Variants in LCTL observed in about 807,000 individuals in gnomAD.
LCTL encodes lactase-like protein.
LCTL carries 76 observed loss-of-function variants against 75.8 expected under a neutral mutation model. The observed-to-expected ratio is 1.00, with a 90% CI of 0.83 to 1.21. The LOEUF is 1.21. Ranked by LOEUF, LCTL falls within the 50% of genes most tolerant of loss-of-function variation. LCTL has a pLI of 0.00. For missense variants in LCTL, 670 were observed against 712.4 expected, an observed-to-expected ratio of 0.94 and a Z score of 0.68; for synonymous variants, 271 against 268.8, an observed-to-expected ratio of 1.01 and a Z score of -0.08.
rs1451719057 is a variant in LCTL at position 66,564,662 on chromosome 15, C to T, written c.282+14G>A. 1 of 1,609,958 alleles carries T rather than the reference C, an allele frequency of 6.2e-7. No individual in the cohort carries two copies. Reference sequence around the variant, plus strand: ...ACGCGCGCGCACACACACACACTCACACCCCGCACTCACCTGGACCTTGTA... The same window carrying T: ...ACGCGCGCGCACACACACACACTCATACCCCGCACTCACCTGGACCTTGTA... On this transcript the variant is annotated intron_variant, in intron 2 of 12. Coordinates refer to ENST00000341509, the Ensembl canonical transcript of LCTL.
At chr15:66,556,091 G>A (rs1041815828) in intron 8 of LCTL, among the ~76,000 whole-genome samples, 5 of 152,038 alleles carry the variant, frequency 3.3e-5, no homozygotes, top group East Asian at 1.9e-4. Context: ...AAAACAGTAC[G>A]ATGCTTCCTT....
Position 66,558,687 on chromosome 15 carries a change from G to GT in LCTL, c.706-652dup, listed in dbSNP as rs11354993. 2.2e-3 allele frequency among the ~76,000 whole-genome samples: 219 copies of GT among 97,466 alleles called. 1 individual carries two copies. In the East Asian group the frequency reaches 0.024, roughly 11 times the overall value. The allele number at this position is 97,466 out of a possible 152,430, so 63.9% of individuals were successfully genotyped here. On this transcript the variant is annotated intron_variant, in intron 6 of 12. Coordinates refer to ENST00000341509, the Ensembl canonical transcript of LCTL. Reference sequence around the variant, plus strand: ...GTGGTTTTTGTGTGTGTGTGTGTGTGTTTTTTTTTTTTTTTTTTTTTATCT... The same window carrying GT: ...GTGGTTTTTGTGTGTGTGTGTGTGTGTTTTTTTTTTTTTTTTTTTTTTATCT...
chr15:66,552,709 T>G (rs1895639586), intron 9 of LCTL, among the ~76,000 whole-genome samples: 1 of 151,154 alleles, frequency 6.6e-6, no homozygotes. Context: ...AGGGGACATG[T>G]ACTTTGGTCT....
At chr15:66,564,977 C>G in intron 1 of LCTL, 138 bp from the exon 3 acceptor site, 1 of 813,208 alleles carries the variant, frequency 1.2e-6, no homozygotes, top group Non-Finnish European at 1.9e-6. Flanking sequence ...ACTTGTCTTC[C>G]TAGGAGTGTG....
At chr15:66,562,512 A>G (rs930938543) in intron 4 of LCTL, among the ~76,000 whole-genome samples, 6 of 152,090 alleles carry the variant, frequency 3.9e-5, no homozygotes, top group Non-Finnish European at 8.8e-5. Flanking sequence ...GGGGTCATAT[A>G]TGAGTGCTTG....
intron 4 of LCTL, 140 bp from the exon 6 acceptor site, chr15:66,561,455 G>A (rs530345725): frequency 4.3e-6 from 4 of 922,790 alleles, no homozygotes; most frequent in Admixed American, 4.7e-5. Flanking sequence ...AGAAAGAACT[G>A]GATGGATTGA....
intron 2 of LCTL, 111 bp downstream of exon 3, chr15:66,564,565 G>T: frequency 8.0e-7 from 1 of 1,252,144 alleles, no homozygotes; most frequent in Non-Finnish European, 1.1e-6. Flanking sequence ...GCATGGGGAT[G>T]ACATTGTCAT....
At chr15:66,548,511 G>T in exon 13 of LCTL, 1 of 1,606,516 alleles carries the variant, frequency 6.2e-7, no homozygotes, top group South Asian at 1.1e-5. Context: ...TCCTCAGGAG[G>T]AGCATTAGTA....
chr15:66,561,268 G>T, exon 5 of LCTL: 1 of 1,614,238 alleles, frequency 6.2e-7, no homozygotes, highest in Non-Finnish European at 8.5e-7. Flanking sequence ...CTCTGAAGTA[G>T]TTGGCCATGC....
At chr15:66,565,857 C>G (rs1347490075), upstream of LCTL, 1 of 159,104 alleles carries the variant, frequency 6.3e-6, no homozygotes, top group African/African-American at 2.4e-5. Context: ...GCCAGCTTAC[C>G]CAGGATCGTC....
At chr15:66,551,607 A>G in intron 11 of LCTL, 55 bp downstream of exon 12, 3 of 1,414,600 alleles carry the variant, frequency 2.1e-6, no homozygotes, top group Non-Finnish European at 3.0e-6. Context: ...TGTGTGTTCC[A>G]GCTATCTAGC....
intron 2 of LCTL, 58 bp downstream of exon 3, chr15:66,564,618 T>G (rs1052087993): frequency 6.4e-7 from 1 of 1,556,650 alleles, no homozygotes; most frequent in Non-Finnish European, 8.7e-7. Flanking sequence ...CAGCTAGGCA[T>G]GTACTCACAT....
upstream of LCTL, chr15:66,565,815 C>T (rs1007686995): frequency 5.6e-5 from 9 of 159,676 alleles, 1 homozygote; most frequent in Admixed American, 1.9e-4. Flanking sequence ...GGAGACCCCT[C>T]GCTCTGGAAT....
chr15:66,552,720 T>C (rs1370057113), intron 9 of LCTL, among the ~76,000 whole-genome samples: 1 of 151,882 alleles, frequency 6.6e-6, no homozygotes, highest in Non-Finnish European at 1.5e-5. Context: ...ACTTTGGTCT[T>C]GTTCTTTGCC....
At chr15:66,547,777 T>C (rs1895433819) in exon 13 of LCTL, 1 of 152,132 alleles carries the variant, frequency 6.6e-6, no homozygotes, top group African/African-American at 2.4e-5. Flanking sequence ...AGGATTGTTA[T>C]CTATAGATTT....
At chr15:66,555,489 CGA>C (rs1378271770) in intron 8 of LCTL, among the ~76,000 whole-genome samples, 2 of 151,476 alleles carry the variant, frequency 1.3e-5, no homozygotes, top group African/African-American at 4.9e-5. Flanking sequence ...TGCAGTGAGC[CGA>C]GATCGCACCA....
intron 11 of LCTL, 114 bp downstream of exon 12, chr15:66,551,548 C>T (rs1895599781): frequency 1.3e-5 from 10 of 791,622 alleles, no homozygotes; most frequent in Non-Finnish European, 1.9e-5. Context: ...ATGCCGCATG[C>T]CCCGTCCTCT....
exon 9 of LCTL, chr15:66,553,141 C>G: frequency 1.2e-6 from 2 of 1,611,878 alleles, no homozygotes; most frequent in Non-Finnish European, 1.7e-6. Context: ...CGTGATGTAC[C>G]GAGTAGTAAA....
intron 10 of LCTL, 81 bp from the exon 12 acceptor site, chr15:66,551,942 C>T: frequency 6.5e-7 from 1 of 1,534,316 alleles, no homozygotes; most frequent in Non-Finnish European, 8.8e-7. Context: ...AAAATGTTTT[C>T]ATTTATGAGA....
Sources: allele counts gnomAD v4.1 joint callset (sites outside exome capture counted in the v4.1 genomes callset), GRCh38; gene constraint gnomAD v4.1.1; transcripts MANE v1.5; gene names NCBI Gene and HGNC (gene_info 2026-07-23, HGNC 2026-07-21).